The following MARCHF1 variants were observed in gnomAD, a reference collection of about 807,000 sequenced individuals.
MARCHF1 encodes the protein membrane associated ring-CH-type finger 1.
Under a neutral mutation model 54.2 loss-of-function variants are expected in MARCHF1, and 40 were observed. That is an observed-to-expected ratio of 0.74 (90% CI 0.57 to 0.96). MARCHF1 has a LOEUF of 0.96. Among genes scored for constraint, MARCHF1 ranks in the 40% least tolerant of loss-of-function variants. The pLI, the probability that MARCHF1 is intolerant of heterozygous loss-of-function variation, is 0.00. For synonymous variants in MARCHF1, 236 were observed against 236.3 expected (o/e 1.00, Z 0.01); for missense variants, 586 against 656.5 (o/e 0.89, Z 1.17).
intron 2 of MARCHF1, among the ~76,000 whole-genome samples, chr4:164,054,585 C>T (rs1393926330): frequency 6.6e-6 from 1 of 152,036 alleles, no homozygotes; most frequent in Admixed American, 6.5e-5. Flanking sequence ...CCGTGGAATA[C>T]TATGCAGCCA....
intron 5 of MARCHF1, among the ~76,000 whole-genome samples, chr4:163,698,942 A>G (rs1294012424): frequency 1.3e-5 from 2 of 152,170 alleles, no homozygotes; most frequent in Non-Finnish European, 2.9e-5. Context: ...GTTTTAATTT[A>G]TAACCACTTC....
chr4:163,890,091 ATT>A (rs565005714), intron 3 of MARCHF1, among the ~76,000 whole-genome samples: 7 of 136,566 alleles, frequency 5.1e-5, no homozygotes, highest in Admixed American at 7.3e-5. Context: ...TGCCCGGCTA[ATT>A]TTTTTTTTTT....
chr4:164,201,578 A>T (rs995245056), intron 1 of MARCHF1, among the ~76,000 whole-genome samples: 1 of 152,192 alleles, frequency 6.6e-6, no homozygotes, highest in African/African-American at 2.4e-5. Flanking sequence ...CTATTGTAGC[A>T]GTATAGTCAA....
At chr4:164,177,818 C>G (rs1172171916) in intron 1 of MARCHF1, among the ~76,000 whole-genome samples, 2 of 150,754 alleles carry the variant, frequency 1.3e-5, no homozygotes, top group African/African-American at 4.8e-5. Flanking sequence ...CACACACACA[C>G]ACACACACAC....
At chr4:163,534,250 T>TGATA (rs779605429) in intron 9 of MARCHF1, among the ~76,000 whole-genome samples, 8 of 152,082 alleles carry the variant, frequency 5.3e-5, no homozygotes, top group Non-Finnish European at 1.0e-4. Flanking sequence ...CTAATCCCTA[T>TGATA]GATAGCTTCA....
intron 1 of MARCHF1, among the ~76,000 whole-genome samples, chr4:164,320,799 G>T (rs6845719): frequency 0.14 from 21,917 of 151,832 alleles, 2,440 homozygotes; most frequent in East Asian, 0.43. Context: ...AATGTGTGTG[G>T]GGGGAGTGGG....
chr4:163,925,768 G>T (rs1213654432), intron 3 of MARCHF1, among the ~76,000 whole-genome samples: 1 of 151,634 alleles, frequency 6.6e-6, no homozygotes, highest in Non-Finnish European at 1.5e-5. Context: ...ATTTTGGGTG[G>T]TGTAGCTGAA....
intron 1 of MARCHF1, among the ~76,000 whole-genome samples, chr4:164,371,709 T>C (rs977247305): frequency 6.6e-6 from 1 of 152,134 alleles, no homozygotes; most frequent in East Asian, 1.9e-4. Flanking sequence ...ACCAAAAAGT[T>C]TGATAATACG....
At chr4:163,806,824 G>A (rs923861127) in intron 4 of MARCHF1, among the ~76,000 whole-genome samples, 2 of 151,882 alleles carry the variant, frequency 1.3e-5, no homozygotes, top group Non-Finnish European at 2.9e-5. Flanking sequence ...CAGTGTGATC[G>A]CTCATGATAG....
chr4:164,347,671 A>T (rs1295881213), intron 1 of MARCHF1, among the ~76,000 whole-genome samples: 1 of 152,174 alleles, frequency 6.6e-6, no homozygotes, highest in Non-Finnish European at 1.5e-5. Context: ...CATCAGTTAC[A>T]ACTCTTAATA....
chr4:164,231,362 T>G (rs1732409672), intron 1 of MARCHF1, among the ~76,000 whole-genome samples: 2 of 152,140 alleles, frequency 1.3e-5, no homozygotes, highest in South Asian at 4.1e-4. Context: ...GCCAATTTAT[T>G]TTTTTATGGC....
chr4:163,686,408 G>A (rs1418079008), intron 5 of MARCHF1, among the ~76,000 whole-genome samples: 1 of 150,472 alleles, frequency 6.6e-6, no homozygotes, highest in African/African-American at 2.4e-5. Context: ...TAAGATAAGT[G>A]GAAAGTTGAA....
intron 3 of MARCHF1, among the ~76,000 whole-genome samples, chr4:163,951,901 G>A (rs1362802738): frequency 2.0e-5 from 3 of 152,144 alleles, no homozygotes; most frequent in African/African-American, 7.2e-5. Flanking sequence ...TTTCAAATAT[G>A]CTACACACTG....
chr4:164,191,591 A>G (rs1253449129), intron 1 of MARCHF1, among the ~76,000 whole-genome samples: 1 of 152,190 alleles, frequency 6.6e-6, no homozygotes, highest in Non-Finnish European at 1.5e-5. Flanking sequence ...TCTTCTCTAC[A>G]AACAATTATG....
At chr4:163,923,407 G>A (rs1201328881) in intron 3 of MARCHF1, among the ~76,000 whole-genome samples, 2 of 151,940 alleles carry the variant, frequency 1.3e-5, no homozygotes, top group South Asian at 2.1e-4. Flanking sequence ...CATGTTAACA[G>A]CAAGTTAAAA....
At chr4:163,740,094 TGA>T (rs1468982171) in intron 4 of MARCHF1, among the ~76,000 whole-genome samples, 3 of 152,192 alleles carry the variant, frequency 2.0e-5, no homozygotes, top group Non-Finnish European at 4.4e-5. Context: ...TTATTTAAAA[TGA>T]GAGACTTGAT....
At chr4:164,108,913 A>G (rs1034441695) in intron 2 of MARCHF1, among the ~76,000 whole-genome samples, 7 of 152,050 alleles carry the variant, frequency 4.6e-5, no homozygotes, top group African/African-American at 1.7e-4. Flanking sequence ...TGCTTATTAA[A>G]ACATTTGTTT....
chr4:163,872,489 T>C (rs1001931700), intron 3 of MARCHF1, among the ~76,000 whole-genome samples: 6 of 152,316 alleles, frequency 3.9e-5, no homozygotes, highest in African/African-American at 1.4e-4. Context: ...CTACAATAAA[T>C]AAGTGGTGTG....
intron 1 of MARCHF1, among the ~76,000 whole-genome samples, chr4:164,182,451 T>TA (rs1172840427): frequency 1.3e-5 from 2 of 151,926 alleles, no homozygotes; most frequent in Admixed American, 6.6e-5. Context: ...TATTAGTAAG[T>TA]AAAAAAAGCA....
Sources: allele counts gnomAD v4.1 joint callset (sites outside exome capture counted in the v4.1 genomes callset), GRCh38; gene constraint gnomAD v4.1.1; transcripts MANE v1.5; gene names NCBI Gene and HGNC (gene_info 2026-07-23, HGNC 2026-07-21).